Variants in CNOT4 observed in about 807,000 individuals in gnomAD.
CNOT4 encodes the protein CCR4-associated factor 4.
In CNOT4, 8 loss-of-function variants were observed where a neutral mutation model predicts 73.8. The ratio of observed to expected loss-of-function variants is 0.11; its 90% CI spans 0.06 to 0.20. CNOT4 has a LOEUF of 0.20. Among genes scored for constraint, CNOT4 ranks in the 10% least tolerant of loss-of-function variants. CNOT4 has a pLI of 1.00. For missense variants in CNOT4, 564 were observed against 883.4 expected, an observed-to-expected ratio of 0.64 and a Z score of 4.58; for synonymous variants, 293 against 321.1, an observed-to-expected ratio of 0.91 and a Z score of 0.94.
intron 1 of CNOT4, among the ~76,000 whole-genome samples, chr7:135,439,378 G>T (rs567212861): frequency 1.6e-4 from 24 of 152,208 alleles, no homozygotes; most frequent in African/African-American, 5.3e-4. Context: ...GTGGGAATTT[G>T]CCCTGTCACA....
At chr7:135,398,052 C>A in intron 8 of CNOT4, 117 bp downstream of exon 8, 1 of 680,102 alleles carries the variant, frequency 1.5e-6, no homozygotes, top group African/African-American at 1.8e-5. Context: ...TAAAGATGAG[C>A]ATCAAAAGTG....
chr7:135,409,452 C>A (rs115180070), intron 7 of CNOT4, among the ~76,000 whole-genome samples: 5,684 of 151,996 alleles, frequency 0.037, 334 homozygotes, highest in African/African-American at 0.12. Flanking sequence ...ATATATGTGT[C>A]TAATTTAGTT....
At position 135,429,528 on chromosome 7, in the gene CNOT4, A is replaced by G. The variant is rs530507006; in HGVS notation, c.175-7175T>C. Among the ~76,000 whole-genome samples the G allele has an allele frequency of 3.2e-4, 49 of 152,296 alleles. No homozygotes were observed. The South Asian group carries it at 9.1e-3, about 28-fold the overall frequency. ...TCTCAGTTTTAGATATCATCACATTATGCAACTTGAAGATTTAGCCCTGTC... is the reference window on the plus strand; with the variant it reads ...TCTCAGTTTTAGATATCATCACATTGTGCAACTTGAAGATTTAGCCCTGTC... On this transcript the variant is annotated intron_variant, in intron 2 of 11. Coordinates refer to ENST00000541284, the MANE Select transcript of CNOT4 (RefSeq NM_001190850.2).
intron 1 of CNOT4, among the ~76,000 whole-genome samples, chr7:135,492,761 A>G (rs1803201208): frequency 6.6e-6 from 1 of 152,220 alleles, no homozygotes; most frequent in Non-Finnish European, 1.5e-5. Flanking sequence ...GCAAGACCCC[A>G]TCTTTACAAA....
At chr7:135,370,927 A>T (rs1795170495) in intron 10 of CNOT4, among the ~76,000 whole-genome samples, 1 of 152,214 alleles carries the variant, frequency 6.6e-6, no homozygotes, top group Non-Finnish European at 1.5e-5. Flanking sequence ...ATATACTTTT[A>T]AAAAGTCCAA....
chr7:135,476,965 CT>C, intron 1 of CNOT4, among the ~76,000 whole-genome samples: 1 of 152,204 alleles, frequency 6.6e-6, no homozygotes, highest in East Asian at 1.9e-4. Flanking sequence ...TTAAAGCAAA[CT>C]TTTACCAATA....
At chr7:135,496,073 T>C (rs1803556387) in intron 1 of CNOT4, among the ~76,000 whole-genome samples, 1 of 152,146 alleles carries the variant, frequency 6.6e-6, no homozygotes, top group South Asian at 2.1e-4. Flanking sequence ...TTACAGTTAT[T>C]TTCTTGACTA....
intron 10 of CNOT4, chr7:135,387,393 C>A: frequency 1.0e-6 from 1 of 982,668 alleles, no homozygotes; most frequent in Non-Finnish European, 1.2e-6. Flanking sequence ...TTTAATTTGT[C>A]ACATTATATC....
At chr7:135,410,767 A>C (rs1281399497) in intron 6 of CNOT4, 119 bp from the exon 7 acceptor site, 3 of 613,290 alleles carry the variant, frequency 4.9e-6, no homozygotes, top group Non-Finnish European at 6.5e-6. Flanking sequence ...TTTTTAAAAA[A>C]TAAAATATTA....
At chr7:135,469,985 C>T (rs985099431) in intron 1 of CNOT4, among the ~76,000 whole-genome samples, 2 of 152,042 alleles carry the variant, frequency 1.3e-5, no homozygotes, top group African/African-American at 4.8e-5. Flanking sequence ...CTATGCCTGG[C>T]TAATTTTTTG....
At chr7:135,489,452 A>G (rs986694122) in intron 1 of CNOT4, among the ~76,000 whole-genome samples, 40 of 143,354 alleles carry the variant, frequency 2.8e-4, no homozygotes, top group African/African-American at 1.0e-3. Context: ...CTGGAGTGCA[A>G]GGGCGTGATC....
At chr7:135,401,079 T>A (rs180985627) in intron 7 of CNOT4, among the ~76,000 whole-genome samples, 2 of 152,278 alleles carry the variant, frequency 1.3e-5, no homozygotes, top group Non-Finnish European at 2.9e-5. Flanking sequence ...TATTTACAAA[T>A]TCCAATAAAT....
intron 1 of CNOT4, among the ~76,000 whole-genome samples, chr7:135,454,179 T>C (rs1344208732): frequency 6.6e-6 from 1 of 151,950 alleles, no homozygotes; most frequent in Non-Finnish European, 1.5e-5. Context: ...GCCTCACTTC[T>C]ATTATGACTC....
chr7:135,484,765 AAAAAATC>A (rs987257849), intron 1 of CNOT4, among the ~76,000 whole-genome samples: 3 of 152,018 alleles, frequency 2.0e-5, no homozygotes, highest in African/African-American at 7.2e-5. Flanking sequence ...AAAAAAAAAA[AAAAAATC>A]AAAAATCAAA....
intron 2 of CNOT4, among the ~76,000 whole-genome samples, chr7:135,423,606 T>C (rs1360211150): frequency 6.6e-6 from 1 of 152,166 alleles, no homozygotes; most frequent in Non-Finnish European, 1.5e-5. Flanking sequence ...ACCCTATTCT[T>C]TCCCTTTTAT....
At chr7:135,468,443 G>A (rs71537699) in intron 1 of CNOT4, among the ~76,000 whole-genome samples, 33,922 of 151,866 alleles carry the variant, frequency 0.22, 4,276 homozygotes, top group East Asian at 0.52. Flanking sequence ...CACTTTGGGA[G>A]GCCAAGGCAG....
intron 7 of CNOT4, among the ~76,000 whole-genome samples, chr7:135,408,334 TGG>T (rs1797408067): frequency 6.6e-6 from 1 of 152,118 alleles, no homozygotes; most frequent in African/African-American, 2.4e-5. Context: ...TTTAGTGACA[TGG>T]GGAAATTATT....
chr7:135,451,739 C>T (rs1800180101), intron 1 of CNOT4, among the ~76,000 whole-genome samples: 1 of 152,174 alleles, frequency 6.6e-6, no homozygotes, highest in African/African-American at 2.4e-5. Flanking sequence ...AATCAGAAAG[C>T]TGAACCTTAT....
At chr7:135,387,663 T>C (rs1270771986) in intron 10 of CNOT4, 1 of 984,992 alleles carries the variant, frequency 1.0e-6, no homozygotes, top group Non-Finnish European at 1.2e-6. Context: ...CAGAATATGG[T>C]CATGTTTTCT....
Sources: gnomAD v4.1 joint callset for allele counts (sites outside exome capture counted in the v4.1 genomes callset) on GRCh38, gnomAD v4.1.1 for gene constraint, MANE v1.5 for transcripts, NCBI Gene and HGNC (gene_info 2026-07-23, HGNC 2026-07-21) for gene names.